AGBL4: variants seen among roughly 807,000 people sequenced by gnomAD.
The protein encoded by AGBL4 is AGBL carboxypeptidase 4.
AGBL4 carries 58 observed loss-of-function variants against 66.4 expected under a neutral mutation model. The ratio of observed to expected loss-of-function variants is 0.87; its 90% CI spans 0.71 to 1.09. The LOEUF is 1.09. Among genes scored for constraint, AGBL4 ranks in the 50% least tolerant of loss-of-function variants. The probability of loss-of-function intolerance (pLI) is 0.00; values close to 1 mark genes in which losing one functional copy is unlikely to be tolerated. For synonymous variants in AGBL4, 234 were observed against 222.9 expected, an observed-to-expected ratio of 1.05 and a Z score of -0.44; for missense variants, 579 against 631.0, an observed-to-expected ratio of 0.92 and a Z score of 0.88.
intron 2 of AGBL4, among the ~76,000 whole-genome samples, chr1:49,829,231 T>C (rs547801362): frequency 1.3e-5 from 2 of 152,274 alleles, no homozygotes; most frequent in South Asian, 4.1e-4. Context: ...GGATGGATTA[T>C]GAACTATTAG....
intron 3 of AGBL4, among the ~76,000 whole-genome samples, chr1:49,583,500 A>T (rs1232393019): frequency 6.6e-6 from 1 of 152,226 alleles, no homozygotes; most frequent in Non-Finnish European, 1.5e-5. Context: ...TAGCAAATTC[A>T]AACATCAATG....
chr1:49,554,436 A>G (rs1355245974), intron 3 of AGBL4, among the ~76,000 whole-genome samples: 2 of 152,248 alleles, frequency 1.3e-5, no homozygotes, highest in Non-Finnish European at 2.9e-5. Flanking sequence ...TCTCAGAGAC[A>G]TAATAATAAA....
At position 49,719,564 on chromosome 1, in the gene AGBL4, C is replaced by T. The variant is rs145255824; in HGVS notation, c.158-22127G>A. On this transcript the variant is annotated intron_variant, in intron 2 of 13. Transcript: ENST00000371839. The stretch of plus-strand genomic sequence containing the variant: ...ACGAAAAATAAATTTAGTCACCTTG[C>T]GTCACTGTATTGTGGTCTGTATGTT... 1.5e-4 allele frequency among the ~76,000 whole-genome samples: 23 copies of T among 152,156 alleles called. No homozygotes were observed. The East Asian group carries it at 3.7e-3, about 24-fold the overall frequency.
intron 5 of AGBL4, among the ~76,000 whole-genome samples, chr1:48,913,700 T>C (rs973775778): frequency 6.6e-6 from 1 of 152,200 alleles, no homozygotes; most frequent in African/African-American, 2.4e-5. Flanking sequence ...GTATACTTAT[T>C]TCATTACATG....
At chr1:49,524,829 CCTA>C (rs1284666495) in intron 3 of AGBL4, among the ~76,000 whole-genome samples, 4 of 152,076 alleles carry the variant, frequency 2.6e-5, no homozygotes, top group Non-Finnish European at 4.4e-5. Context: ...TGATATCACT[CCTA>C]CTAATGCGTG....
At chr1:49,359,231 G>C (rs1570517247) in intron 3 of AGBL4, among the ~76,000 whole-genome samples, 1 of 152,166 alleles carries the variant, frequency 6.6e-6, no homozygotes, top group East Asian at 1.9e-4. Flanking sequence ...TACTGAATAG[G>C]ATTTAGTAGA....
intron 1 of AGBL4, among the ~76,000 whole-genome samples, chr1:49,896,414 A>C (rs931849714): frequency 2.6e-5 from 4 of 152,020 alleles, no homozygotes; most frequent in Non-Finnish European, 5.9e-5. Flanking sequence ...ATTTCACACT[A>C]TAAGGAAAAG....
At chr1:49,442,617 T>C (rs1646060530) in intron 3 of AGBL4, among the ~76,000 whole-genome samples, 1 of 152,256 alleles carries the variant, frequency 6.6e-6, no homozygotes, top group Admixed American at 6.5e-5. Context: ...AGTATTCCAT[T>C]GTGTACATAT....
At chr1:50,003,841 T>C (rs1660939770) in intron 1 of AGBL4, among the ~76,000 whole-genome samples, 1 of 152,170 alleles carries the variant, frequency 6.6e-6, no homozygotes, top group Non-Finnish European at 1.5e-5. Context: ...ATTTCTACAT[T>C]CTTTGAAAAA....
Position 49,565,025 on chromosome 1 carries a change from T to C in AGBL4, c.282+132288A>G, listed in dbSNP as rs186466201. On this transcript the variant is annotated intron_variant, in intron 3 of 13. Coordinates refer to ENST00000371839, the MANE Select transcript of AGBL4 (RefSeq NM_032785.4). ...GTGCATATATATTTAGGATAGCTAG[T>C]TCTTCTTGTTGAATTGATCCCTTTA... is the stretch of plus-strand genomic sequence containing the variant. 3.3e-5 allele frequency among the ~76,000 whole-genome samples: 5 copies of C among 152,220 alleles called. No homozygotes were observed. The East Asian group carries it at 7.7e-4, about 24-fold the overall frequency.
At chr1:49,993,154 A>G (rs1175985664) in intron 1 of AGBL4, among the ~76,000 whole-genome samples, 3 of 152,246 alleles carry the variant, frequency 2.0e-5, no homozygotes, top group Non-Finnish European at 4.4e-5. Flanking sequence ...ATAAAACAGG[A>G]TATTAAGTGG....
intron 5 of AGBL4, among the ~76,000 whole-genome samples, chr1:48,992,680 C>T (rs543776228): frequency 3.9e-5 from 6 of 152,196 alleles, no homozygotes; most frequent in South Asian, 2.1e-4. Context: ...TGTGACTGAG[C>T]TTACACCCAA....
rs187462859 is a variant in AGBL4 at position 49,835,941 on chromosome 1, A to G, written c.157+15455T>C. 3.5e-4 allele frequency among the ~76,000 whole-genome samples: 53 copies of G among 152,258 alleles called. 1 individual carries two copies. The highest frequency in any genetic ancestry group is 1.3e-3 in the African/African-American group (52 of 41,558). On this transcript the variant is annotated intron_variant, in intron 2 of 13. Transcript: ENST00000371839. ...TCTGGCTTCTAGGATTTCTGCAGAG[A>G]GATCTGCTGTTAGTTTGATGGGCTT...
At chr1:49,321,131 C>T (rs892042801) in intron 3 of AGBL4, among the ~76,000 whole-genome samples, 2 of 152,150 alleles carry the variant, frequency 1.3e-5, no homozygotes, top group African/African-American at 4.8e-5. Context: ...AGTGCAGTCT[C>T]TGAGGTTACC....
intron 3 of AGBL4, among the ~76,000 whole-genome samples, chr1:49,451,469 C>A (rs889428266): frequency 3.9e-5 from 6 of 151,912 alleles, no homozygotes; most frequent in African/African-American, 1.4e-4. Flanking sequence ...GAAGTATATA[C>A]CATGGGAGAG....
chr1:49,101,431 G>A (rs766996597), intron 4 of AGBL4, among the ~76,000 whole-genome samples: 18 of 152,072 alleles, frequency 1.2e-4, no homozygotes, highest in South Asian at 4.2e-4. Flanking sequence ...CAAGTGATCC[G>A]CCTGATTGGC....
At chr1:48,687,533 TC>T (rs1198505447) in intron 6 of AGBL4, among the ~76,000 whole-genome samples, 2 of 152,154 alleles carry the variant, frequency 1.3e-5, no homozygotes, top group Non-Finnish European at 2.9e-5. Flanking sequence ...GGAGAGGCCA[TC>T]CATGCAAATG....
chr1:49,527,731 C>T (rs926150453), intron 3 of AGBL4: 1 of 152,066 alleles, frequency 6.6e-6, no homozygotes, highest in Non-Finnish European at 1.5e-5. Flanking sequence ...TCCACTAGCT[C>T]GGATCCTTTC....
chr1:49,611,978 A>G (rs993416100), intron 3 of AGBL4, among the ~76,000 whole-genome samples: 5 of 152,202 alleles, frequency 3.3e-5, no homozygotes, highest in African/African-American at 1.2e-4. Context: ...TTACTACTGC[A>G]TGGAGAAAGA....
Sources: allele counts gnomAD v4.1 joint callset (sites outside exome capture counted in the v4.1 genomes callset), GRCh38; gene constraint gnomAD v4.1.1; transcripts MANE v1.5; gene names NCBI Gene and HGNC (gene_info 2026-07-23, HGNC 2026-07-21).